Variants in CTNNA3 observed in about 807,000 individuals in gnomAD.
CTNNA3 encodes catenin alpha-3.
In CTNNA3, 76 loss-of-function variants were observed where a neutral mutation model predicts 95.7. The observed-to-expected ratio is 0.79, with a 90% CI of 0.66 to 0.96. CTNNA3 has a LOEUF of 0.96. CTNNA3 is among the 40% of genes least tolerant of loss of function. CTNNA3 has a pLI of 0.00. For missense variants in CTNNA3, 1,191 were observed against 1,089.8 expected, an observed-to-expected ratio of 1.09 and a Z score of -1.31; for synonymous variants, 431 against 374.4, an observed-to-expected ratio of 1.15 and a Z score of -1.74.
chr10:67,700,476 C>T (rs540939106), upstream of CTNNA3, among the ~76,000 whole-genome samples: 25 of 152,260 alleles, frequency 1.6e-4, no homozygotes, highest in South Asian at 2.7e-3. Context: ...CACGAAAATC[C>T]GCTGTTTTGC....
At chr10:66,802,242 G>T (rs918818132) in intron 7 of CTNNA3, among the ~76,000 whole-genome samples, 1 of 151,630 alleles carries the variant, frequency 6.6e-6, no homozygotes, top group African/African-American at 2.4e-5. Context: ...AGAAAGATAA[G>T]AATATGAATA....
At chr10:67,016,367 C>G (rs915474676) in intron 7 of CTNNA3, among the ~76,000 whole-genome samples, 5 of 151,896 alleles carry the variant, frequency 3.3e-5, no homozygotes, top group African/African-American at 1.2e-4. Flanking sequence ...GTTCTTCCCT[C>G]GTTTCTTTTT....
At chr10:66,323,106 G>A (rs779379362) in intron 12 of CTNNA3, among the ~76,000 whole-genome samples, 4 of 151,746 alleles carry the variant, frequency 2.6e-5, no homozygotes, top group Non-Finnish European at 5.9e-5. Context: ...AAGCCTCTGA[G>A]GTAAAAGACC....
At chr10:67,199,649 G>T (rs761780134) in intron 6 of CTNNA3, among the ~76,000 whole-genome samples, 1 of 152,202 alleles carries the variant, frequency 6.6e-6, no homozygotes, top group South Asian at 2.1e-4. Flanking sequence ...GATTACAGAC[G>T]TGAAGGTTTT....
intron 15 of CTNNA3, among the ~76,000 whole-genome samples, chr10:66,007,687 T>C (rs2078915617): frequency 6.6e-6 from 1 of 151,882 alleles, no homozygotes; most frequent in African/African-American, 2.4e-5. Flanking sequence ...GAAAGGAGTA[T>C]AAGCCAGGCT....
intron 13 of CTNNA3, among the ~76,000 whole-genome samples, chr10:66,205,456 G>A (rs2087698965): frequency 6.6e-6 from 1 of 151,976 alleles, no homozygotes; most frequent in Admixed American, 6.6e-5. Flanking sequence ...GGATTGAGCA[G>A]ATTATGGAAG....
chr10:67,228,613 C>CA (rs35051801), intron 5 of CTNNA3, among the ~76,000 whole-genome samples: 31,151 of 147,792 alleles, frequency 0.21, 3,729 homozygotes, highest in African/African-American at 0.34. Context: ...AACTCCATCT[C>CA]AAAAAAAAAA....
At chr10:66,762,727 T>C (rs1420698783) in intron 9 of CTNNA3, among the ~76,000 whole-genome samples, 1 of 152,008 alleles carries the variant, frequency 6.6e-6, no homozygotes. Context: ...ACTTTTTTAA[T>C]ATTTCATTTT....
At chr10:67,606,416 C>G (rs889527551) in intron 3 of CTNNA3, among the ~76,000 whole-genome samples, 9 of 152,170 alleles carry the variant, frequency 5.9e-5, no homozygotes, top group Non-Finnish European at 2.9e-5. Flanking sequence ...GAAGTCTAAA[C>G]CTCCAGAAAT....
At chr10:66,013,798 G>C (rs192210408) in intron 15 of CTNNA3, among the ~76,000 whole-genome samples, 57 of 152,212 alleles carry the variant, frequency 3.7e-4, no homozygotes, top group African/African-American at 1.3e-3. Flanking sequence ...ATTATGACAG[G>C]TGTTTATTAA....
intron 2 of CTNNA3, among the ~76,000 whole-genome samples, chr10:67,639,904 T>C (rs1041737070): frequency 1.3e-5 from 2 of 152,206 alleles, no homozygotes; most frequent in African/African-American, 4.8e-5. Flanking sequence ...AATATCATAC[T>C]GAATGGGCAA....
chr10:67,005,682 C>CTTTTATTTTTTTTTTTTTTTT (rs1851927415), intron 7 of CTNNA3, among the ~76,000 whole-genome samples: 1 of 61,976 alleles, frequency 1.6e-5, no homozygotes, highest in Non-Finnish European at 2.9e-5. Flanking sequence ...TTTACTCCAT[C>CTTTTATTTTTTTTTTTTTTTT]TTTTTTTTTT....
At chr10:66,429,013 T>G (rs1246142270) in intron 11 of CTNNA3, among the ~76,000 whole-genome samples, 1 of 151,702 alleles carries the variant, frequency 6.6e-6, no homozygotes, top group Non-Finnish European at 1.5e-5. Flanking sequence ...CTAGCAAGAC[T>G]AATAAAGAAG....
At chr10:66,711,707 CT>C (rs1293199941) in intron 9 of CTNNA3, among the ~76,000 whole-genome samples, 1 of 151,976 alleles carries the variant, frequency 6.6e-6, no homozygotes, top group African/African-American at 2.4e-5. Flanking sequence ...TGCCACCACA[CT>C]TGGCTAATTT....
intron 10 of CTNNA3, among the ~76,000 whole-genome samples, chr10:66,561,616 A>T (rs771066332): frequency 1.8e-4 from 28 of 152,098 alleles, no homozygotes; most frequent in Non-Finnish European, 3.2e-4. Flanking sequence ...GATACTCAGT[A>T]TCACAAGAGA....
At chr10:66,994,736 A>T (rs1040225961) in intron 7 of CTNNA3, among the ~76,000 whole-genome samples, 1 of 152,218 alleles carries the variant, frequency 6.6e-6, no homozygotes, top group African/African-American at 2.4e-5. Context: ...ATTTCACTAC[A>T]TTCAATACTA....
intron 7 of CTNNA3, among the ~76,000 whole-genome samples, chr10:67,106,149 T>C (rs1200457648): frequency 2.0e-5 from 3 of 152,194 alleles, no homozygotes; most frequent in African/African-American, 7.2e-5. Context: ...TGGGATAAAA[T>C]GTGTGAACTT....
chr10:66,653,034 T>C (rs1043257211), intron 9 of CTNNA3, among the ~76,000 whole-genome samples: 1 of 152,142 alleles, frequency 6.6e-6, no homozygotes, highest in African/African-American at 2.4e-5. Context: ...AATATCATAC[T>C]GGATGCCTCT....
chr10:66,133,132 C>T (rs2083195551), intron 13 of CTNNA3, among the ~76,000 whole-genome samples: 2 of 151,754 alleles, frequency 1.3e-5, no homozygotes, highest in Admixed American at 6.6e-5. Context: ...AAATAAACAT[C>T]ACAAATATGT....
Sources: gnomAD v4.1 joint callset for allele counts (sites outside exome capture counted in the v4.1 genomes callset) on GRCh38, gnomAD v4.1.1 for gene constraint, MANE v1.5 for transcripts, NCBI Gene and HGNC (gene_info 2026-07-23, HGNC 2026-07-21) for gene names.